The following CFAP68 variants were observed in gnomAD, a reference collection of about 807,000 sequenced individuals.
CFAP68 encodes the protein cilia and flagella associated protein 68.
chr11:111,880,222 C>A, the CFAP68 span, among the ~76,000 whole-genome samples: 1 of 152,130 alleles, frequency 6.6e-6, no homozygotes, highest in Admixed American at 6.5e-5. Flanking sequence ...AGTTAGTAGC[C>A]TGGAGTGTGT....
At chr11:111,883,757 T>A in the CFAP68 span, 1 of 1,569,580 alleles carries the variant, frequency 6.4e-7, no homozygotes, top group African/African-American at 1.4e-5. Flanking sequence ...CTTCCTTTTT[T>A]TTTCTTCCCT....
chr11:111,883,191 T>A, the CFAP68 span: 8 of 1,574,746 alleles, frequency 5.1e-6, no homozygotes, highest in South Asian at 8.1e-5. Flanking sequence ...AAAATGCCAC[T>A]TTCAACACAT....
chr11:111,882,703 C>A, the CFAP68 span: 4 of 1,074,348 alleles, frequency 3.7e-6, no homozygotes, highest in East Asian at 7.9e-5. Flanking sequence ...GTGCAGTGAT[C>A]TCTCAGTTTT....
the CFAP68 span, chr11:111,881,540 G>A: frequency 3.9e-6 from 6 of 1,535,984 alleles, no homozygotes; most frequent in Non-Finnish European, 5.2e-6. Context: ...AGCCAAGTAA[G>A]GATTTCTGTG....
At chr11:111,879,644 G>C in the CFAP68 span, 2 of 1,594,720 alleles carry the variant, frequency 1.3e-6, no homozygotes, top group Non-Finnish European at 1.7e-6. Context: ...TCAAGAAAGA[G>C]TATTGAGTGT....
the CFAP68 span, among the ~76,000 whole-genome samples, chr11:111,880,116 C>G: frequency 3.9e-5 from 6 of 152,102 alleles, no homozygotes; most frequent in Non-Finnish European, 7.4e-5. Flanking sequence ...AGGTTTGTTA[C>G]GTGGATATAT....
chr11:111,881,075 A>T, the CFAP68 span: 1 of 522,746 alleles, frequency 1.9e-6, no homozygotes, highest in South Asian at 2.5e-5. Flanking sequence ...GGCAATGGGA[A>T]TGGAGGGTGG....
At chr11:111,883,263 TAGAA>T in the CFAP68 span, 1 of 1,386,674 alleles carries the variant, frequency 7.2e-7, no homozygotes. Context: ...GACCGGCACA[TAGAA>T]GGAACTCAAA....
At chr11:111,885,184 A>T in the CFAP68 span, 1 of 151,772 alleles carries the variant, frequency 6.6e-6, no homozygotes, top group African/African-American at 2.4e-5. Flanking sequence ...AGAAAAAAAA[A>T]ATCTTGGTAT....
the CFAP68 span, among the ~76,000 whole-genome samples, chr11:111,880,446 T>TA: frequency 6.6e-6 from 1 of 152,164 alleles, no homozygotes; most frequent in Non-Finnish European, 1.5e-5. Flanking sequence ...ACCTTGCTGA[T>TA]AAAACGGGTT....
At chr11:111,883,044 A>AACT in the CFAP68 span, 1 of 937,388 alleles carries the variant, frequency 1.1e-6, no homozygotes, top group Non-Finnish European at 1.7e-6. Context: ...CTAAAATATG[A>AACT]CAGTCCGTGA....
At chr11:111,882,701 A>C in the CFAP68 span, 1 of 1,096,130 alleles carries the variant, frequency 9.1e-7, no homozygotes, top group Admixed American at 3.0e-5. Flanking sequence ...TGGTGCAGTG[A>C]TCTCTCAGTT....
the CFAP68 span, chr11:111,883,941 T>C: frequency 8.2e-7 from 1 of 1,216,430 alleles, no homozygotes; most frequent in East Asian, 2.3e-5. Context: ...CATCCAGGTT[T>C]CTAAGAAATG....
chr11:111,883,661 A>G, the CFAP68 span: 1 of 756,718 alleles, frequency 1.3e-6, no homozygotes, highest in Non-Finnish European at 2.2e-6. Context: ...CTTCAATTTT[A>G]ACAGGACTTA....
chr11:111,879,566 T>A, the CFAP68 span: 1 of 1,614,074 alleles, frequency 6.2e-7, no homozygotes, highest in Non-Finnish European at 8.5e-7. Context: ...CTGAAATGGC[T>A]GCCTCCCAGT....
At chr11:111,885,749 C>T in the CFAP68 span, 1 of 152,126 alleles carries the variant, frequency 6.6e-6, no homozygotes, top group African/African-American at 2.4e-5. Flanking sequence ...ATGTTGTCCT[C>T]GTAAGCAAGG....
chr11:111,882,571 C>T, the CFAP68 span: 1,011 of 1,606,568 alleles, frequency 6.3e-4, 2 homozygotes, highest in African/African-American at 0.011. Flanking sequence ...TGAGGAATAT[C>T]GTGCAGCCCA....
At chr11:111,881,731 C>T in the CFAP68 span, 2 of 1,231,772 alleles carry the variant, frequency 1.6e-6, no homozygotes, top group South Asian at 1.6e-5. Context: ...ATATGCAATC[C>T]AGATTGATTG....
chr11:111,884,673 A>T, the CFAP68 span: 1 of 152,032 alleles, frequency 6.6e-6, no homozygotes, highest in Admixed American at 6.6e-5. Context: ...GACTACAAAA[A>T]CAAACGTAAC....
Sources: allele counts gnomAD v4.1 joint callset (sites outside exome capture counted in the v4.1 genomes callset), GRCh38; gene constraint gnomAD v4.1.1; transcripts MANE v1.5; gene names NCBI Gene and HGNC (gene_info 2026-07-23, HGNC 2026-07-21).